DLG2: variants seen among roughly 807,000 people sequenced by gnomAD.
The protein encoded by DLG2 is disks large homolog 2.
A neutral mutation model predicts 132.5 loss-of-function variants in DLG2; 45 were observed. The observed-to-expected ratio is 0.34, with a 90% CI of 0.27 to 0.44. The LOEUF is 0.44. Ranked by LOEUF, DLG2 falls within the 20% of genes least tolerant of loss-of-function variation. The pLI, the probability that DLG2 is intolerant of heterozygous loss-of-function variation, is 1.00. For synonymous variants in DLG2, 424 were observed against 419.6 expected, an observed-to-expected ratio of 1.01 and a Z score of -0.13; for missense variants, 1,045 against 1,196.9, an observed-to-expected ratio of 0.87 and a Z score of 1.87.
chr11:85,513,442 A>T (rs975452866), intron 3 of DLG2, among the ~76,000 whole-genome samples: 2 of 152,006 alleles, frequency 1.3e-5, no homozygotes, highest in African/African-American at 4.8e-5. Flanking sequence ...ACTTCAAGAG[A>T]CAAATTGAGA....
At chr11:84,521,710 C>T (rs965175115) in intron 7 of DLG2, among the ~76,000 whole-genome samples, 6 of 152,210 alleles carry the variant, frequency 3.9e-5, no homozygotes, top group South Asian at 2.1e-4. Flanking sequence ...GAATGAGTAG[C>T]GGCAGCTCAG....
chr11:83,839,857 G>C (rs776320794), intron 16 of DLG2, among the ~76,000 whole-genome samples: 16 of 152,220 alleles, frequency 1.1e-4, no homozygotes, highest in Admixed American at 2.6e-4. Flanking sequence ...TTCTCTCTCT[G>C]AATGTCATGG....
intron 6 of DLG2, among the ~76,000 whole-genome samples, chr11:84,972,661 T>G (rs2054265302): frequency 1.3e-5 from 2 of 152,228 alleles, no homozygotes; most frequent in African/African-American, 2.4e-5. Flanking sequence ...GAAGACAACC[T>G]ATTGCTTTTA....
At chr11:84,593,545 G>A (rs1159619292) in intron 6 of DLG2, among the ~76,000 whole-genome samples, 1 of 152,144 alleles carries the variant, frequency 6.6e-6, no homozygotes, top group Non-Finnish European at 1.5e-5. Flanking sequence ...ACTAACACAG[G>A]ACTAGAAAAC....
intron 7 of DLG2, among the ~76,000 whole-genome samples, chr11:84,416,792 CAATTA>C (rs2098931378): frequency 2.0e-5 from 3 of 152,170 alleles, no homozygotes; most frequent in South Asian, 4.2e-4. Flanking sequence ...TATATGTGCT[CAATTA>C]AAAGATTGTT....
intron 6 of DLG2, among the ~76,000 whole-genome samples, chr11:84,773,071 A>G (rs988746807): frequency 1.3e-5 from 2 of 152,100 alleles, no homozygotes; most frequent in African/African-American, 4.8e-5. Flanking sequence ...AAGAGTGAAG[A>G]TCCAAATAAG....
At chr11:83,709,507 G>T (rs1471657987) in intron 18 of DLG2, among the ~76,000 whole-genome samples, 2 of 152,038 alleles carry the variant, frequency 1.3e-5, no homozygotes, top group African/African-American at 2.4e-5. Flanking sequence ...GCTGGTAGGT[G>T]AATATGGTGT....
chr11:83,756,547 G>A (rs2093654980), intron 18 of DLG2, among the ~76,000 whole-genome samples: 1 of 151,446 alleles, frequency 6.6e-6, no homozygotes, highest in Admixed American at 6.6e-5. Flanking sequence ...CCTACAAGCT[G>A]TGAGCCTGAA....
intron 6 of DLG2, among the ~76,000 whole-genome samples, chr11:84,954,225 T>G (rs1044993942): frequency 6.6e-6 from 1 of 152,092 alleles, no homozygotes; most frequent in African/African-American, 2.4e-5. Flanking sequence ...ACTCTCCTCT[T>G]TCTACTGTCT....
At chr11:85,447,004 C>G (rs1041887834) in intron 3 of DLG2, among the ~76,000 whole-genome samples, 2 of 152,074 alleles carry the variant, frequency 1.3e-5, no homozygotes, top group Admixed American at 6.6e-5. Flanking sequence ...AAAGGCAACA[C>G]AGTGTGCATT....
intron 18 of DLG2, among the ~76,000 whole-genome samples, chr11:83,720,111 G>C (rs1163554125): frequency 1.3e-5 from 2 of 151,370 alleles, no homozygotes; most frequent in African/African-American, 2.4e-5. Context: ...TGGTCAACAT[G>C]GCAAAACCCC....
chr11:83,525,291 A>G (rs1197390729), intron 21 of DLG2, among the ~76,000 whole-genome samples: 1 of 152,158 alleles, frequency 6.6e-6, no homozygotes, highest in Non-Finnish European at 1.5e-5. Context: ...TTGATCAGAC[A>G]GTTATCTGTG....
intron 17 of DLG2, among the ~76,000 whole-genome samples, chr11:83,816,217 C>T (rs1306517003): frequency 6.6e-6 from 1 of 152,178 alleles, no homozygotes; most frequent in African/African-American, 2.4e-5. Flanking sequence ...TCCAGGACTA[C>T]ATTTCCGTAA....
intron 6 of DLG2, among the ~76,000 whole-genome samples, chr11:84,671,044 C>T (rs1032533266): frequency 3.3e-5 from 5 of 151,930 alleles, no homozygotes; most frequent in South Asian, 2.1e-4. Flanking sequence ...GGGTTACATC[C>T]GGCAGCCTTG....
intron 3 of DLG2, among the ~76,000 whole-genome samples, chr11:85,399,491 G>C: frequency 6.6e-6 from 1 of 152,118 alleles, no homozygotes; most frequent in Non-Finnish European, 1.5e-5. Context: ...TAAGCCAAAA[G>C]AACAAAGCTG....
chr11:85,118,833 A>G (rs2073970844), intron 5 of DLG2, among the ~76,000 whole-genome samples: 1 of 151,982 alleles, frequency 6.6e-6, no homozygotes, highest in Admixed American at 6.6e-5. Context: ...TCTCATCCAT[A>G]AAGTGGAAAA....
intron 21 of DLG2, among the ~76,000 whole-genome samples, chr11:83,498,653 C>A (rs2094280249): frequency 1.5e-5 from 2 of 133,902 alleles, no homozygotes; most frequent in Admixed American, 7.3e-5. Flanking sequence ...AAAGTAAGAC[C>A]AAACTAAACC....
intron 18 of DLG2, among the ~76,000 whole-genome samples, chr11:83,748,736 G>A (rs1024928182): frequency 2.0e-5 from 3 of 152,136 alleles, no homozygotes; most frequent in African/African-American, 7.2e-5. Flanking sequence ...TATAGTTTAA[G>A]GGTATCTTTT....
At chr11:84,441,993 C>A (rs2099018576) in intron 7 of DLG2, among the ~76,000 whole-genome samples, 1 of 152,148 alleles carries the variant, frequency 6.6e-6, no homozygotes, top group Non-Finnish European at 1.5e-5. Context: ...GTTTTGGTAC[C>A]AGTACCATGC....
Sources: allele counts gnomAD v4.1 joint callset (sites outside exome capture counted in the v4.1 genomes callset), GRCh38; gene constraint gnomAD v4.1.1; transcripts MANE v1.5; gene names NCBI Gene and HGNC (gene_info 2026-07-23, HGNC 2026-07-21).